The following NRXN3 variants were observed in gnomAD, a reference collection of about 807,000 sequenced individuals.
The protein encoded by NRXN3 is neurexin 3, also known as neurexin III.
In NRXN3, 32 loss-of-function variants were observed where a neutral mutation model predicts 137.6. The ratio of observed to expected loss-of-function variants is 0.23; its 90% CI spans 0.18 to 0.31. The LOEUF (loss-of-function observed/expected upper bound fraction) is 0.31. Ranked by LOEUF, NRXN3 falls within the 10% of genes least tolerant of loss-of-function variation. The probability of loss-of-function intolerance (pLI) is 1.00; values close to 1 mark genes in which losing one functional copy is unlikely to be tolerated. For synonymous variants in NRXN3, 798 were observed against 784.5 expected (o/e 1.02, Z -0.29); for missense variants, 1,574 against 2,062.5 (o/e 0.76, Z 4.59).
At chr14:79,245,328 G>T (rs1238315343) in intron 15 of NRXN3, among the ~76,000 whole-genome samples, 1 of 151,958 alleles carries the variant, frequency 6.6e-6, no homozygotes, top group Non-Finnish European at 1.5e-5. Flanking sequence ...TCATGTCATT[G>T]ACTCCTCAGA....
chr14:79,714,194 T>C (rs1403535514), intron 19 of NRXN3, among the ~76,000 whole-genome samples: 6 of 152,182 alleles, frequency 3.9e-5, no homozygotes, highest in African/African-American at 1.4e-4. Flanking sequence ...GATGTACATA[T>C]ACAAGAACTT....
intron 19 of NRXN3, among the ~76,000 whole-genome samples, chr14:79,772,181 C>A (rs2099080793): frequency 6.6e-6 from 1 of 151,958 alleles, no homozygotes; most frequent in Non-Finnish European, 1.5e-5. Context: ...GAATCAATAT[C>A]ATGAAAATGG....
chr14:78,823,252 G>C (rs2098956364), intron 10 of NRXN3, among the ~76,000 whole-genome samples: 1 of 152,226 alleles, frequency 6.6e-6, no homozygotes, highest in Admixed American at 6.5e-5. Flanking sequence ...GGTACTCTCT[G>C]TCTCTTATTT....
At chr14:79,324,699 C>A (rs2090584806) in intron 15 of NRXN3, among the ~76,000 whole-genome samples, 1 of 152,142 alleles carries the variant, frequency 6.6e-6, no homozygotes, top group Non-Finnish European at 1.5e-5. Context: ...GTCAGAAAAC[C>A]ATTGGGTCAT....
At chr14:79,038,259 G>A (rs1255958172) in intron 15 of NRXN3, among the ~76,000 whole-genome samples, 5 of 151,828 alleles carry the variant, frequency 3.3e-5, no homozygotes, top group Admixed American at 6.6e-5. Flanking sequence ...AGCAGAGACC[G>A]AAAGGCATAA....
intron 18 of NRXN3, among the ~76,000 whole-genome samples, chr14:79,693,399 G>A (rs1284387706): frequency 2.0e-5 from 3 of 151,880 alleles, no homozygotes; most frequent in Non-Finnish European, 4.4e-5. Flanking sequence ...TGTTTGCCCT[G>A]TTTTTAATGT....
intron 15 of NRXN3, among the ~76,000 whole-genome samples, chr14:79,041,869 A>G (rs1221838099): frequency 6.6e-6 from 1 of 152,194 alleles, no homozygotes; most frequent in African/African-American, 2.4e-5. Context: ...AGGGTTTGTC[A>G]TCATGAATTG....
chr14:78,468,797 C>G (rs762982130), intron 4 of NRXN3, among the ~76,000 whole-genome samples: 1 of 152,126 alleles, frequency 6.6e-6, no homozygotes, highest in Non-Finnish European at 1.5e-5. Flanking sequence ...TGACATAGAT[C>G]TTCTTGGTGA....
intron 20 of NRXN3, among the ~76,000 whole-genome samples, chr14:79,812,910 G>A (rs2099239295): frequency 2.0e-5 from 3 of 152,056 alleles, no homozygotes; most frequent in Non-Finnish European, 4.4e-5. Context: ...AAGAGGGATT[G>A]GGTTTTAAAA....
At chr14:79,265,816 G>T (rs958491220) in intron 15 of NRXN3, among the ~76,000 whole-genome samples, 1 of 152,164 alleles carries the variant, frequency 6.6e-6, no homozygotes, top group Non-Finnish European at 1.5e-5. Context: ...TAAGATATAT[G>T]CCTGCTGAGG....
At chr14:79,305,279 T>C (rs536287827) in intron 15 of NRXN3, among the ~76,000 whole-genome samples, 63 of 152,216 alleles carry the variant, frequency 4.1e-4, no homozygotes, top group African/African-American at 1.4e-3. Context: ...TCATTATTAT[T>C]ATCATAATTG....
At chr14:79,800,834 A>G (rs2140485272) in intron 19 of NRXN3, among the ~76,000 whole-genome samples, 1 of 152,334 alleles carries the variant, frequency 6.6e-6, no homozygotes, top group East Asian at 1.9e-4. Context: ...CTTTGAATCC[A>G]ATTGCCATTA....
chr14:79,376,653 A>T (rs2094311400), intron 15 of NRXN3, among the ~76,000 whole-genome samples: 1 of 152,154 alleles, frequency 6.6e-6, no homozygotes, highest in Non-Finnish European at 1.5e-5. Flanking sequence ...TGTTTTCAAA[A>T]CTATAAAGCT....
intron 4 of NRXN3, among the ~76,000 whole-genome samples, chr14:78,578,305 G>A (rs1031660275): frequency 1.3e-5 from 2 of 152,146 alleles, no homozygotes; most frequent in Admixed American, 1.3e-4. Context: ...TTTTTAGGGA[G>A]ATCTAAATTG....
chr14:78,960,107 C>T (rs2099405177), intron 11 of NRXN3, among the ~76,000 whole-genome samples: 1 of 152,146 alleles, frequency 6.6e-6, no homozygotes, highest in Admixed American at 6.5e-5. Flanking sequence ...TCACGAAATG[C>T]CATTATCCAG....
chr14:78,323,565 T>A (rs545638760), intron 4 of NRXN3, among the ~76,000 whole-genome samples: 41 of 151,994 alleles, frequency 2.7e-4, no homozygotes, highest in Non-Finnish European at 5.4e-4. Flanking sequence ...GCATCATCAT[T>A]TATCAGCTAA....
intron 19 of NRXN3, among the ~76,000 whole-genome samples, chr14:79,716,911 T>C (rs950486911): frequency 4.6e-5 from 7 of 152,224 alleles, no homozygotes; most frequent in African/African-American, 1.7e-4. Context: ...TGATGAATAG[T>C]AGTTTTCACA....
At chr14:79,774,573 A>G (rs1435438846) in intron 19 of NRXN3, among the ~76,000 whole-genome samples, 1 of 152,212 alleles carries the variant, frequency 6.6e-6, no homozygotes, top group East Asian at 1.9e-4. Flanking sequence ...ACCCATAATC[A>G]GACCGTTAAT....
At chr14:78,670,839 A>G (rs2097927021) in intron 6 of NRXN3, among the ~76,000 whole-genome samples, 1 of 152,210 alleles carries the variant, frequency 6.6e-6, no homozygotes, top group African/African-American at 2.4e-5. Flanking sequence ...GGCAACATTA[A>G]TTGAATGTAG....
Sources: allele counts gnomAD v4.1 joint callset (sites outside exome capture counted in the v4.1 genomes callset), GRCh38; gene constraint gnomAD v4.1.1; transcripts MANE v1.5; gene names NCBI Gene and HGNC (gene_info 2026-07-23, HGNC 2026-07-21).